The following SNTG1 variants were observed in gnomAD, a reference collection of about 807,000 sequenced individuals.
SNTG1 encodes the protein syntrophin gamma 1, also known as gamma-1-syntrophin.
In SNTG1, 39 loss-of-function variants were observed where a neutral mutation model predicts 74.7. The observed-to-expected ratio is 0.52, with a 90% CI of 0.40 to 0.68. The LOEUF (loss-of-function observed/expected upper bound fraction) is 0.68, where lower values mean the gene tolerates loss of function less well. Among genes scored for constraint, SNTG1 ranks in the 30% least tolerant of loss-of-function variants. The pLI is 0.00. For missense variants in SNTG1, 685 were observed against 609.5 expected (o/e 1.12, Z -1.30); for synonymous variants, 254 against 217.1 (o/e 1.17, Z -1.49).
chr8:50,227,717 G>A (rs1472696365), intron 2 of SNTG1, among the ~76,000 whole-genome samples: 2 of 151,058 alleles, frequency 1.3e-5, no homozygotes, highest in African/African-American at 2.4e-5. Flanking sequence ...CAAGTCATCG[G>A]AGAAGCCAAA....
chr8:50,112,345 A>G (rs2080625461), intron 1 of SNTG1, among the ~76,000 whole-genome samples: 1 of 152,074 alleles, frequency 6.6e-6, no homozygotes, highest in Non-Finnish European at 1.5e-5. Flanking sequence ...TAGAGAAAAA[A>G]GAATAAAGAT....
intron 1 of SNTG1, among the ~76,000 whole-genome samples, chr8:49,922,084 G>A (rs543565739): frequency 2.2e-4 from 33 of 152,068 alleles, no homozygotes; most frequent in South Asian, 4.2e-4. Context: ...GCATACAAGG[G>A]GTCTGCAGAC....
intron 1 of SNTG1, among the ~76,000 whole-genome samples, chr8:49,962,920 G>A (rs984714384): frequency 6.6e-6 from 1 of 152,116 alleles, no homozygotes. Context: ...CAGATTCCCG[G>A]GCTGTTTGTA....
intron 17 of SNTG1, among the ~76,000 whole-genome samples, chr8:50,741,494 C>T (rs555544089): frequency 2.0e-4 from 31 of 152,158 alleles, no homozygotes; most frequent in South Asian, 6.2e-4. Flanking sequence ...CATAACAAAA[C>T]ATACTGTTAC....
At chr8:50,112,910 G>A (rs1024142971) in intron 1 of SNTG1, among the ~76,000 whole-genome samples, 1 of 152,002 alleles carries the variant, frequency 6.6e-6, no homozygotes, top group Admixed American at 6.6e-5. Flanking sequence ...TGTAAATGTG[G>A]GGTATTATTT....
rs1348796182 is a variant in SNTG1, at chr8:50,486,201, T to C, written c.364-16577T>C. ...TTCTGTGAAGAAAGTCATTGGTAGC[T>C]TGATGGGGATGGCATTGAATCTGTA... is the stretch of plus-strand genomic sequence containing the variant. On this transcript the variant is annotated intron_variant, in intron 8 of 18. Coordinates refer to ENST00000642720, the MANE Select transcript of SNTG1 (RefSeq NM_018967.5). Among the ~76,000 whole-genome samples the C allele has an allele frequency of 3.3e-3, 494 of 150,922 alleles. 2 individuals carry two copies. Among genetic ancestry groups the C allele is most frequent in the African/African-American group, 0.011 (441 of 41,184 alleles).
chr8:50,213,049 T>C (rs759327496), intron 2 of SNTG1, among the ~76,000 whole-genome samples: 4 of 152,234 alleles, frequency 2.6e-5, no homozygotes, highest in Non-Finnish European at 5.9e-5. Context: ...TATTGCCTGC[T>C]ATGCATTCCC....
intron 1 of SNTG1, among the ~76,000 whole-genome samples, chr8:50,012,475 CAG>C (rs1380513345): frequency 4.6e-5 from 7 of 152,138 alleles, no homozygotes; most frequent in African/African-American, 1.7e-4. Context: ...TTAAAAATTT[CAG>C]AGGTTAGATA....
intron 9 of SNTG1, among the ~76,000 whole-genome samples, chr8:50,515,682 G>A (rs1399369249): frequency 6.6e-6 from 1 of 152,076 alleles, no homozygotes; most frequent in Non-Finnish European, 1.5e-5. Flanking sequence ...AAACAAAGTT[G>A]CTGGGAACTT....
chr8:49,952,538 A>G (rs925341907), intron 1 of SNTG1, among the ~76,000 whole-genome samples: 1 of 152,180 alleles, frequency 6.6e-6, no homozygotes, highest in Non-Finnish European at 1.5e-5. Context: ...CTAGCATAGA[A>G]TAGGTTAGAG....
intron 2 of SNTG1, among the ~76,000 whole-genome samples, chr8:50,183,045 A>T (rs1441396565): frequency 2.0e-5 from 3 of 152,072 alleles, no homozygotes; most frequent in Non-Finnish European, 4.4e-5. Context: ...GTTTGCCCCA[A>T]CTGACTGTAA....
chr8:50,688,320 A>T (rs2095361972), intron 15 of SNTG1, among the ~76,000 whole-genome samples: 1 of 152,126 alleles, frequency 6.6e-6, no homozygotes. Flanking sequence ...TTTAGACATG[A>T]AGTCCTCGCC....
intron 11 of SNTG1, among the ~76,000 whole-genome samples, chr8:50,550,800 C>G (rs563838435): frequency 1.3e-3 from 194 of 151,988 alleles, no homozygotes; most frequent in African/African-American, 4.5e-3. Context: ...GTAATGGAGT[C>G]TATTGATTTC....
intron 1 of SNTG1, among the ~76,000 whole-genome samples, chr8:49,937,596 A>G (rs1808204273): frequency 6.6e-6 from 1 of 152,216 alleles, no homozygotes; most frequent in African/African-American, 2.4e-5. Context: ...TTTTCAGGAA[A>G]TATGAAGGAC....
chr8:50,016,895 A>G (rs1479902247), intron 1 of SNTG1, among the ~76,000 whole-genome samples: 1 of 152,116 alleles, frequency 6.6e-6, no homozygotes, highest in African/African-American at 2.4e-5. Context: ...TAAGACTAAC[A>G]ACTGACTTCA....
intron 15 of SNTG1, among the ~76,000 whole-genome samples, chr8:50,687,817 C>T (rs1316068276): frequency 2.0e-5 from 3 of 151,986 alleles, no homozygotes; most frequent in Non-Finnish European, 4.4e-5. Context: ...TGAGAACATA[C>T]AGTGTTTGGT....
At chr8:50,591,068 C>T in intron 13 of SNTG1, 151 bp downstream of exon 13, 1 of 478,514 alleles carries the variant, frequency 2.1e-6, no homozygotes, top group Non-Finnish European at 3.6e-6. Context: ...ATATCTCCTT[C>T]ATATTATGTA....
chr8:50,428,796 A>G (rs1035920527), intron 4 of SNTG1, among the ~76,000 whole-genome samples: 5 of 152,156 alleles, frequency 3.3e-5, no homozygotes, highest in Non-Finnish European at 4.4e-5. Flanking sequence ...ATTCTCTTTA[A>G]TTAGATTTTT....
intron 1 of SNTG1, among the ~76,000 whole-genome samples, chr8:49,976,119 C>T (rs1812169699): frequency 1.3e-5 from 2 of 152,082 alleles, no homozygotes; most frequent in Admixed American, 1.3e-4. Flanking sequence ...ACCCCAGAAG[C>T]AATATTCATC....
Sources: allele counts gnomAD v4.1 joint callset (sites outside exome capture counted in the v4.1 genomes callset), GRCh38; gene constraint gnomAD v4.1.1; transcripts MANE v1.5; gene names NCBI Gene and HGNC (gene_info 2026-07-23, HGNC 2026-07-21).